The following IGSF21 variants were observed in gnomAD, a reference collection of about 807,000 sequenced individuals.
The protein encoded by IGSF21 is immunoglobin superfamily member 21, also known as immunoglobulin superfamily member 21.
A neutral mutation model predicts 46.8 loss-of-function variants in IGSF21; 28 were observed. That is an observed-to-expected ratio of 0.60 (90% CI 0.44 to 0.82). The LOEUF (loss-of-function observed/expected upper bound fraction) is 0.82, where lower values mean the gene tolerates loss of function less well. Ranked by LOEUF, IGSF21 falls within the 40% of genes least tolerant of loss-of-function variation. The pLI, the probability that IGSF21 is intolerant of heterozygous loss-of-function variation, is 0.00. For synonymous variants in IGSF21, 284 were observed against 273.6 expected, an observed-to-expected ratio of 1.04 and a Z score of -0.38; for missense variants, 624 against 665.5, an observed-to-expected ratio of 0.94 and a Z score of 0.69.
At chr1:18,294,015 CCTCT>C (rs943759533) in intron 3 of IGSF21, among the ~76,000 whole-genome samples, 1 of 151,048 alleles carries the variant, frequency 6.6e-6, no homozygotes. Flanking sequence ...AGAGCCTTAA[CCTCT>C]CTCTCTCTCT....
chr1:18,373,596 G>C (rs2086250461), intron 6 of IGSF21, among the ~76,000 whole-genome samples: 1 of 152,154 alleles, frequency 6.6e-6, no homozygotes, highest in South Asian at 2.1e-4. Context: ...CCCCTCTTCT[G>C]CCCACCCTCT....
intron 4 of IGSF21, among the ~76,000 whole-genome samples, chr1:18,357,964 G>A (rs982403955): frequency 3.3e-5 from 5 of 152,148 alleles, no homozygotes; most frequent in African/African-American, 7.2e-5. Flanking sequence ...CTAATATAAC[G>A]AGGGATGGAA....
chr1:18,308,664 T>G (rs1406116703), intron 3 of IGSF21, among the ~76,000 whole-genome samples: 1 of 152,134 alleles, frequency 6.6e-6, no homozygotes, highest in East Asian at 1.9e-4. Context: ...CAAGGATATG[T>G]GTGTTCCATG....
chr1:18,167,978 G>A (rs563451066), intron 1 of IGSF21, among the ~76,000 whole-genome samples: 16 of 152,194 alleles, frequency 1.1e-4, no homozygotes, highest in Middle Eastern at 3.4e-3. Context: ...CACCTCTACC[G>A]CAGGAACACC....
chr1:18,180,956 C>T (rs1035497915), intron 1 of IGSF21, among the ~76,000 whole-genome samples: 26 of 152,200 alleles, frequency 1.7e-4, no homozygotes, highest in African/African-American at 5.8e-4. Flanking sequence ...GCCTGCCCTG[C>T]AGAACCTAAG....
At chr1:18,310,382 T>C (rs1280344114) in intron 3 of IGSF21, among the ~76,000 whole-genome samples, 2 of 152,216 alleles carry the variant, frequency 1.3e-5, no homozygotes, top group African/African-American at 4.8e-5. Flanking sequence ...ATTTAGACTA[T>C]TAGAATGTCA....
chr1:18,149,392 G>A (rs547346088), intron 1 of IGSF21, among the ~76,000 whole-genome samples: 8 of 152,276 alleles, frequency 5.3e-5, no homozygotes, highest in African/African-American at 1.9e-4. Context: ...GGAGGGGGTG[G>A]CCATCCCGGC....
At chr1:18,227,848 C>G (rs764861686) in intron 1 of IGSF21, 50 bp from the exon 2 acceptor site, 2 of 1,373,194 alleles carry the variant, frequency 1.5e-6, no homozygotes, top group South Asian at 2.3e-5. Context: ...TCAGCCCAGC[C>G]CCTCTGATCT....
At chr1:18,377,483 C>G in intron 9 of IGSF21, 52 bp downstream of exon 9, 1 of 1,448,390 alleles carries the variant, frequency 6.9e-7, no homozygotes. Flanking sequence ...GCTTTTGAGG[C>G]GCCAGAAAGC....
At chr1:18,218,584 A>C (rs1314908302) in intron 1 of IGSF21, among the ~76,000 whole-genome samples, 1 of 152,262 alleles carries the variant, frequency 6.6e-6, no homozygotes, top group African/African-American at 2.4e-5. Context: ...TGGATTGGGG[A>C]AAACACTAGA....
chr1:18,238,290 GGAGTGC>G lies in IGSF21; in HGVS notation c.183+10281_183+10286del, dbSNP rs2084691918. Among the ~76,000 whole-genome samples, 4 of 152,354 alleles carry G rather than the reference GGAGTGC, an allele frequency of 2.6e-5. No homozygotes were observed. The South Asian group carries it at 8.3e-4, about 32-fold the overall frequency. On this transcript the variant is annotated intron_variant, in intron 2 of 9. Coordinates refer to ENST00000251296, the MANE Select transcript of IGSF21 (RefSeq NM_032880.5). ...CCATGAGTGGTCCACGAGCTTCCAA[GGAGTGC>G]AGTGGGGAATGGGGGTGAGAGGTGA...
chr1:18,142,893 C>T (rs559332415), intron 1 of IGSF21, among the ~76,000 whole-genome samples: 314 of 152,328 alleles, frequency 2.1e-3, no homozygotes, highest in Admixed American at 3.3e-3. Context: ...CCCCAGTGGC[C>T]ATTGCCTGGC....
Position 18,155,859 on chromosome 1 carries a change from G to A in IGSF21, c.70+47661G>A, listed in dbSNP as rs184223948. Among the ~76,000 whole-genome samples the A allele has an allele frequency of 3.4e-4, 52 of 152,352 alleles. No individual in the cohort carries two copies. The East Asian group carries it at 6.2e-3, about 18-fold the overall frequency. ...GGGTGCGCCATGCTCCCATCCCTGC[G>A]GGATCAAGAACGGGAAGCTAAGAAG... On this transcript the variant is annotated intron_variant, in intron 1 of 9. Coordinates refer to ENST00000251296, the MANE Select transcript of IGSF21 (RefSeq NM_032880.5).
intron 2 of IGSF21, among the ~76,000 whole-genome samples, chr1:18,275,880 C>T (rs72655168): frequency 6.6e-6 from 1 of 152,268 alleles, no homozygotes; most frequent in East Asian, 1.9e-4. Flanking sequence ...TTCAGGGAGA[C>T]CTCCCACTCC....
In IGSF21 at chr1:18,239,025, C is replaced by A. The variant is rs185532772; in HGVS notation, c.183+11015C>A. On this transcript the variant is annotated intron_variant, in intron 2 of 9. Coordinates refer to ENST00000251296, the MANE Select transcript of IGSF21 (RefSeq NM_032880.5). ...GTGCCTCCCAGGTCAGGGCACCCCC[C>A]AGCTGAGGCTTGAACAATGCTTTCT... Among the ~76,000 whole-genome samples, 250 of 152,304 alleles carry A rather than the reference C, an allele frequency of 1.6e-3. 4 individuals carry two copies. Among genetic ancestry groups the A allele is most frequent in the Non-Finnish European group, 1.2e-3 (79 of 68,018 alleles).
intron 4 of IGSF21, among the ~76,000 whole-genome samples, chr1:18,356,152 T>C (rs1221083973): frequency 6.6e-6 from 1 of 152,206 alleles, no homozygotes; most frequent in East Asian, 1.9e-4. Context: ...TTACTATTAC[T>C]AATACAATTA....
At chr1:18,193,529 C>T (rs971162414) in intron 1 of IGSF21, among the ~76,000 whole-genome samples, 3 of 152,120 alleles carry the variant, frequency 2.0e-5, no homozygotes, top group South Asian at 2.1e-4. Context: ...GTCCTATGCT[C>T]GAGGGCAGGA....
chr1:18,362,336 G>A, intron 5 of IGSF21, 106 bp downstream of exon 5: 1 of 788,538 alleles, frequency 1.3e-6, no homozygotes, highest in South Asian at 1.6e-5. Flanking sequence ...GGGAGTGGTT[G>A]GCCAGGGCTG....
chr1:18,160,770 C>G (rs369499022), intron 1 of IGSF21, among the ~76,000 whole-genome samples: 1 of 152,214 alleles, frequency 6.6e-6, no homozygotes, highest in Non-Finnish European at 1.5e-5. Context: ...ACAGTCCCTG[C>G]ACCCGCAGCC....
Sources: allele counts gnomAD v4.1 joint callset (sites outside exome capture counted in the v4.1 genomes callset), GRCh38; gene constraint gnomAD v4.1.1; transcripts MANE v1.5; gene names NCBI Gene and HGNC (gene_info 2026-07-23, HGNC 2026-07-21).